The following TTC39B variants were observed in gnomAD, a reference collection of about 807,000 sequenced individuals.
The protein encoded by TTC39B is tetratricopeptide repeat domain 39B.
TTC39B carries 92 observed loss-of-function variants against 96.6 expected under a neutral mutation model. The observed-to-expected ratio is 0.95, with a 90% CI of 0.80 to 1.13. TTC39B has a LOEUF of 1.13. Among genes scored for constraint, TTC39B ranks in the 50% most tolerant of loss-of-function variants. TTC39B has a pLI of 0.00. For synonymous variants in TTC39B, 367 were observed against 299.4 expected, an observed-to-expected ratio of 1.23 and a Z score of -2.33; for missense variants, 955 against 809.3, an observed-to-expected ratio of 1.18 and a Z score of -2.18.
intron 10 of TTC39B, among the ~76,000 whole-genome samples, 174 bp from the exon 11 acceptor site, chr9:15,190,836 C>T (rs1010672374): frequency 1.2e-4 from 18 of 152,144 alleles, no homozygotes; most frequent in African/African-American, 4.3e-4. Flanking sequence ...ACATCATACT[C>T]AACAGGTAGT....
At chr9:15,171,087 C>G (rs890399255) in exon 20 of TTC39B, 10 of 152,186 alleles carry the variant, frequency 6.6e-5, no homozygotes, top group Admixed American at 3.3e-4. Context: ...TGCCCTGATT[C>G]TGTTTCCCAA....
At chr9:15,176,099 C>A (rs118165201) in intron 18 of TTC39B, among the ~76,000 whole-genome samples, 351 of 152,284 alleles carry the variant, frequency 2.3e-3, no homozygotes, top group Middle Eastern at 0.02. Context: ...ATGAAATTAA[C>A]ATGAAAGAGG....
At chr9:15,211,142 T>C (rs1010238166) in intron 5 of TTC39B, 124 bp downstream of exon 5, 2 of 1,167,750 alleles carry the variant, frequency 1.7e-6, no homozygotes, top group African/African-American at 3.2e-5. Context: ...CGAGGCTGAA[T>C]TTCTTTTCTG....
At chr9:15,182,506 G>C in intron 16 of TTC39B, 91 bp from the exon 17 acceptor site, 1 of 848,616 alleles carries the variant, frequency 1.2e-6, no homozygotes, top group East Asian at 2.7e-5. Context: ...GTTTTGCTTC[G>C]GTTTCTAGGA....
At chr9:15,211,705 G>A (rs1214438143) in intron 4 of TTC39B, among the ~76,000 whole-genome samples, 1 of 152,204 alleles carries the variant, frequency 6.6e-6, no homozygotes, top group Admixed American at 6.5e-5. Flanking sequence ...AAAAGGGGCA[G>A]CACACGGCCT....
chr9:15,207,100 T>G (rs1178291717), intron 6 of TTC39B, among the ~76,000 whole-genome samples: 1 of 152,220 alleles, frequency 6.6e-6, no homozygotes, highest in Non-Finnish European at 1.5e-5. Flanking sequence ...GCCATGACTT[T>G]AAGTTTCCTG....
chr9:15,271,012 A>C (rs1449746330), intron 1 of TTC39B, among the ~76,000 whole-genome samples: 1 of 152,114 alleles, frequency 6.6e-6, no homozygotes, highest in East Asian at 1.9e-4. Flanking sequence ...AGCCAGTTGT[A>C]GTTTAATTAC....
intron 3 of TTC39B, among the ~76,000 whole-genome samples, chr9:15,215,119 G>A (rs1412604337): frequency 6.6e-6 from 1 of 152,116 alleles, no homozygotes; most frequent in African/African-American, 2.4e-5. Flanking sequence ...AGCCAGGCAT[G>A]TGGTGTGTGC....
intron 1 of TTC39B, among the ~76,000 whole-genome samples, chr9:15,289,411 A>T (rs1417714186): frequency 2.0e-5 from 3 of 152,246 alleles, no homozygotes; most frequent in Admixed American, 6.5e-5. Context: ...GCAAATAAGT[A>T]TTTAAAGTAT....
At chr9:15,187,104 G>A in intron 14 of TTC39B, 69 bp from the exon 15 acceptor site, 6 of 1,144,492 alleles carry the variant, frequency 5.2e-6, no homozygotes, top group Non-Finnish European at 4.9e-6. Context: ...TTCAAATCAG[G>A]AATGACCAAC....
chr9:15,273,593 C>T (rs902987024), intron 1 of TTC39B, among the ~76,000 whole-genome samples: 4 of 152,152 alleles, frequency 2.6e-5, no homozygotes, highest in African/African-American at 4.8e-5. Context: ...ATTTAACCAC[C>T]GCACTTTAGC....
chr9:15,192,342 C>T (rs1277592622), intron 9 of TTC39B, among the ~76,000 whole-genome samples: 1 of 152,070 alleles, frequency 6.6e-6, no homozygotes, highest in African/African-American at 2.4e-5. Context: ...TCCTTGTTAC[C>T]AAAAACCTTA....
intron 16 of TTC39B, 46 bp from the exon 17 acceptor site, chr9:15,182,461 C>T: frequency 1.5e-6 from 2 of 1,336,936 alleles, no homozygotes; most frequent in Non-Finnish European, 2.1e-6. Flanking sequence ...TGAGGTTATT[C>T]AATGTCCTTT....
intron 1 of TTC39B, among the ~76,000 whole-genome samples, chr9:15,269,331 G>A (rs984190788): frequency 4.6e-5 from 7 of 152,242 alleles, no homozygotes; most frequent in South Asian, 2.1e-4. Flanking sequence ...CCAGGGCTTC[G>A]CACCAGGGTT....
chr9:15,281,131 T>A (rs1823746319), intron 1 of TTC39B, among the ~76,000 whole-genome samples: 2 of 152,178 alleles, frequency 1.3e-5, no homozygotes, highest in Admixed American at 6.5e-5. Flanking sequence ...AAACTTTCTT[T>A]ATTTCCTTCC....
At chr9:15,254,402 A>C (rs577567237) in intron 2 of TTC39B, among the ~76,000 whole-genome samples, 1 of 152,328 alleles carries the variant, frequency 6.6e-6, no homozygotes, top group South Asian at 2.1e-4. Context: ...TGAAAGAAAT[A>C]ATGCTTTTAC....
At chr9:15,208,007 A>G (rs1340470225) in intron 6 of TTC39B, among the ~76,000 whole-genome samples, 2 of 139,086 alleles carry the variant, frequency 1.4e-5, no homozygotes, top group Admixed American at 7.1e-5. Context: ...AAAAAAAAGG[A>G]GCATTATCAT....
intron 1 of TTC39B, among the ~76,000 whole-genome samples, chr9:15,273,674 C>T (rs1171301169): frequency 1.3e-5 from 2 of 150,598 alleles, no homozygotes; most frequent in African/African-American, 2.5e-5. Flanking sequence ...GGGCAGGTGC[C>T]CACCCCCACA....
intron 2 of TTC39B, among the ~76,000 whole-genome samples, chr9:15,233,335 C>T (rs990506440): frequency 6.6e-6 from 1 of 151,964 alleles, no homozygotes; most frequent in South Asian, 2.1e-4. Flanking sequence ...TCGCCCTCTC[C>T]CTCTCCCTCT....
Sources: gnomAD v4.1 joint callset for allele counts (sites outside exome capture counted in the v4.1 genomes callset) on GRCh38, gnomAD v4.1.1 for gene constraint, MANE v1.5 for transcripts, NCBI Gene and HGNC (gene_info 2026-07-23, HGNC 2026-07-21) for gene names.